The following PTPRU variants were observed in gnomAD, a reference collection of about 807,000 sequenced individuals.
PTPRU encodes protein tyrosine phosphatase receptor type U, also known as receptor-type tyrosine-protein phosphatase U.
PTPRU carries 69 observed loss-of-function variants against 166.3 expected under a neutral mutation model. The ratio of observed to expected loss-of-function variants is 0.41; its 90% confidence interval spans 0.34 to 0.51. The LOEUF (loss-of-function observed/expected upper bound fraction) is 0.51, where lower values mean the gene tolerates loss of function less well. Ranked by LOEUF, PTPRU falls within the 20% of genes least tolerant of loss-of-function variation. The pLI, the probability that PTPRU is intolerant of heterozygous loss-of-function variation, is 0.09. For missense variants in PTPRU, 1,657 were observed against 2,013.7 expected, an observed-to-expected ratio of 0.82 and a Z score of 3.39; for synonymous variants, 793 against 814.0, an observed-to-expected ratio of 0.97 and a Z score of 0.44.
At position 29,325,285 on chromosome 1, in the gene PTPRU, A is replaced by C; in HGVS notation, c.4207A>C (p.Lys1403Gln). The part of the protein sequence containing the change: ...HNLVDVFFAA[K>Q]TLRNYKPNMV... The stretch of plus-strand genomic sequence containing the variant: ...CTTGGTGGACGTTTTCTTTGCTGCC[A>C]AAACCCTCCGGAACTACAAACCCAA... The change falls in exon 29 of 30, where the codon AAA (lysine) becomes CAA (glutamine). Residue 1403 changes from lysine (K) to glutamine (Q), a missense_variant. By Grantham distance (53) the Lys-to-Gln change is moderately conservative. Coordinates refer to ENST00000373779, the MANE Select transcript of PTPRU (RefSeq NM_133178.4). 2 of 1,614,156 alleles carry C rather than the reference A, an allele frequency of 1.2e-6. No individual in the cohort carries two copies. Among genetic ancestry groups the C allele is most frequent in the Non-Finnish European group, 1.7e-6 (2 of 1,179,984 alleles).
intron 18 of PTPRU, among the ~76,000 whole-genome samples, chr1:29,306,530 TCA>T (rs1196717743): frequency 6.6e-6 from 1 of 152,132 alleles, no homozygotes; most frequent in African/African-American, 2.4e-5. Context: ...AGGAGAGAGA[TCA>T]CACAGCTTGA....
chr1:29,303,749 C>T, intron 15 of PTPRU, 106 bp from the exon 16 acceptor site: 1 of 1,226,184 alleles, frequency 8.2e-7, no homozygotes, highest in Non-Finnish European at 1.1e-6. Flanking sequence ...CCCAGCTATG[C>T]TTGGCATTGG....
intron 22 of PTPRU, 43 bp downstream of exon 22, chr1:29,312,749 C>T (rs775611799): frequency 6.4e-6 from 10 of 1,569,724 alleles, no homozygotes; most frequent in African/African-American, 1.3e-5. Context: ...GGCCCTTCTC[C>T]CTGGGAATTT....
chr1:29,259,170 A>G (rs1402633306), intron 3 of PTPRU, 91 bp from the exon 4 acceptor site: 1 of 1,357,394 alleles, frequency 7.4e-7, no homozygotes, highest in Non-Finnish European at 1.0e-6. Context: ...TAGTTGAGGC[A>G]GAGGAGGCTG....
At chr1:29,268,775 G>A (rs558624062) in intron 7 of PTPRU, among the ~76,000 whole-genome samples, 4 of 152,312 alleles carry the variant, frequency 2.6e-5, no homozygotes, top group Admixed American at 6.5e-5. Flanking sequence ...ACAGGGTTCC[G>A]CAGAGGATCT....
At chr1:29,249,997 C>T (rs1422105911) in intron 1 of PTPRU, among the ~76,000 whole-genome samples, 1 of 152,212 alleles carries the variant, frequency 6.6e-6, no homozygotes, top group East Asian at 1.9e-4. Context: ...GGGCTCCTTT[C>T]TGTGCCCTGG....
intron 12 of PTPRU, chr1:29,283,637 C>A (rs1686204671): frequency 4.6e-6 from 2 of 436,854 alleles, no homozygotes; most frequent in Non-Finnish European, 8.1e-6. Flanking sequence ...TTTCTGACTT[C>A]CTAGCTGGAC....
In PTPRU at chr1:29,259,878, C is replaced by T; in HGVS notation, c.684C>T (p.Ser228=). 9 of 1,530,318 alleles carry T rather than the reference C, an allele frequency of 5.9e-6. No individual in the cohort carries two copies. Among genetic ancestry groups the T allele is most frequent in the Non-Finnish European group, 7.9e-6 (9 of 1,144,854 alleles). 94.8% of individuals were successfully genotyped at this position (1,530,318 alleles called of 1,614,324 possible). ...EAERFLLQRQ[S]GALVPAAGVR... Reference sequence around the variant, plus strand: ...CACTCTCTTCCCTGCAGCGGCAGAGCGGGGCGCTGGTGCCGGCGGCGGGCG... The same window carrying T: ...CACTCTCTTCCCTGCAGCGGCAGAGTGGGGCGCTGGTGCCGGCGGCGGGCG... Residue 228 remains serine, a synonymous_variant, in exon 6 of 30, where the codon AGC becomes AGT. Transcript: ENST00000373779.
intron 22 of PTPRU, among the ~76,000 whole-genome samples, chr1:29,314,266 G>A (rs928204430): frequency 3.3e-5 from 5 of 152,178 alleles, no homozygotes; most frequent in Admixed American, 1.3e-4. Context: ...TGGTATGTAC[G>A]TAGGAGTAGA....
intron 1 of PTPRU, among the ~76,000 whole-genome samples, chr1:29,251,580 C>T (rs1200689557): frequency 6.6e-6 from 1 of 152,146 alleles, no homozygotes; most frequent in African/African-American, 2.4e-5. Context: ...TGTTGTCAGT[C>T]TATCTGGGGG....
In PTPRU at chr1:29,317,245, A is replaced by G. The variant is rs1326076269; in HGVS notation, c.3514-503A>G. Among the ~76,000 whole-genome samples, 1 of 152,134 alleles carries G rather than the reference A, an allele frequency of 6.6e-6. No homozygotes were observed. Among genetic ancestry groups the G allele is most frequent in the Non-Finnish European group, 1.5e-5 (1 of 68,016 alleles). ...TTCAGTGCCCGGTGCTTAGGACTTCATTCTGTTCAGACAGGGCCGTGACCA... is the reference window on the plus strand; with the variant it reads ...TTCAGTGCCCGGTGCTTAGGACTTCGTTCTGTTCAGACAGGGCCGTGACCA... On this transcript the variant is annotated intron_variant, in intron 24 of 29. Transcript: ENST00000373779. This position sits in a 1 kb window ranked among gnomAD's most constrained non-coding sequence, Gnocchi z 5.6.
intron 7 of PTPRU, among the ~76,000 whole-genome samples, chr1:29,267,283 A>G (rs946876338): frequency 2.0e-5 from 3 of 152,194 alleles, no homozygotes; most frequent in African/African-American, 7.2e-5. Context: ...GCCTGTATAT[A>G]TGAAGGGCCA....
intron 1 of PTPRU, among the ~76,000 whole-genome samples, chr1:29,239,255 T>C (rs1436960121): frequency 6.6e-6 from 1 of 152,200 alleles, no homozygotes. Flanking sequence ...CCTGAATGGC[T>C]CCGGAGCTTC....
At chr1:29,240,581 G>A (rs35903108) in intron 1 of PTPRU, among the ~76,000 whole-genome samples, 3,192 of 152,146 alleles carry the variant, frequency 0.021, 44 homozygotes, top group Middle Eastern at 0.082. Context: ...TGTTGAGAGT[G>A]TCATCTGGGA....
chr1:29,240,704 T>G (rs1451103143), intron 1 of PTPRU, among the ~76,000 whole-genome samples: 1 of 152,140 alleles, frequency 6.6e-6, no homozygotes, highest in Non-Finnish European at 1.5e-5. Flanking sequence ...GCAGGGCCCT[T>G]CCAGCCCCCA....
chr1:29,298,313 C>T (rs1686984883), intron 15 of PTPRU, among the ~76,000 whole-genome samples: 2 of 151,738 alleles, frequency 1.3e-5, no homozygotes, highest in South Asian at 4.2e-4. Context: ...AGGAGATGAG[C>T]TGAGCTGTGC....
intron 8 of PTPRU, 146 bp downstream of exon 8, chr1:29,275,902 T>G: frequency 3.3e-6 from 3 of 906,920 alleles, no homozygotes; most frequent in Non-Finnish European, 4.9e-6. Flanking sequence ...TGATAGCTCC[T>G]ATTTTTTCTC....
At chr1:29,278,932 G>A (rs1685934497) in intron 8 of PTPRU, 80 bp from the exon 9 acceptor site, 1 of 1,116,786 alleles carries the variant, frequency 9.0e-7, no homozygotes, top group Non-Finnish European at 1.3e-6. Flanking sequence ...CAGGTAGGAA[G>A]CGGCAAGGCT....
At chr1:29,304,672 T>A in intron 16 of PTPRU, 102 bp from the exon 17 acceptor site, 2 of 844,958 alleles carry the variant, frequency 2.4e-6, no homozygotes, top group South Asian at 4.4e-5. Context: ...ATCTGGCCCT[T>A]ATCATCCCAC....
Sources: gnomAD v4.1 joint callset for allele counts (sites outside exome capture counted in the v4.1 genomes callset) on GRCh38, gnomAD v4.1.1 for gene constraint, Gnocchi (gnomAD v3.1) non-coding constraint, MANE v1.5 for transcripts, NCBI Gene and HGNC (gene_info 2026-07-23, HGNC 2026-07-21) for gene names.